Variants in NDRG1 observed in about 807,000 individuals in gnomAD.
The protein encoded by NDRG1 is protein NDRG1.
Under a neutral mutation model 56.9 loss-of-function variants are expected in NDRG1, and 32 were observed. The observed-to-expected ratio is 0.56, with a 90% CI of 0.42 to 0.76. The LOEUF is 0.76. Ranked by LOEUF, NDRG1 falls within the 30% of genes least tolerant of loss-of-function variation. The pLI is 0.00. For missense variants in NDRG1, 507 were observed against 545.7 expected (o/e 0.93, Z 0.71); for synonymous variants, 211 against 204.1 (o/e 1.03, Z -0.29).
chr8:133,280,194 G>C, intron 3 of NDRG1, 38 bp downstream of exon 3: 1 of 1,610,402 alleles, frequency 6.2e-7, no homozygotes. Context: ...GAGAAGACGG[G>C]ATGAGGAAGG....
chr8:133,256,759 G>A lies in NDRG1; in HGVS notation c.537+18C>T, dbSNP rs779638529. Reference sequence around the variant, plus strand: ...CTTCTTGCAGGGATCCCGCCGGCCTGACAGGCCCCCACCTCACCTTGGAGG... The same window carrying A: ...CTTCTTGCAGGGATCCCGCCGGCCTAACAGGCCCCCACCTCACCTTGGAGG... On this transcript the variant is annotated intron_variant, in intron 8 of 15. Transcript: ENST00000323851. 44 of 1,613,326 alleles carry A rather than the reference G, an allele frequency of 2.7e-5. No homozygotes were observed. The highest frequency in any genetic ancestry group is 3.3e-5 in the Admixed American group (2 of 59,980).
rs146492936 is a variant in NDRG1, at chr8:133,277,987, G to A, written c.99+2245C>T. The stretch of plus-strand genomic sequence containing the variant: ...TGGAATGGGGCCTTCACCTGAGGAG[G>A]ATGGACAATCACATCCCCACTGCAG... On this transcript the variant is annotated intron_variant, in intron 3 of 15. Coordinates refer to ENST00000323851, the MANE Select transcript of NDRG1 (RefSeq NM_006096.4). Among the ~76,000 whole-genome samples, 5 of 152,298 alleles carry A rather than the reference G, an allele frequency of 3.3e-5. No homozygotes were observed. In the East Asian group the frequency reaches 7.7e-4, roughly 24 times the overall value.
chr8:133,296,694 G>GACACACACAC lies in NDRG1; in HGVS notation c.-19+430_-19+439dup, dbSNP rs36215434. 3.1e-4 allele frequency: 85 copies of GACACACACAC among 270,828 alleles called. No individual in the cohort carries two copies. In the East Asian group the frequency reaches 3.3e-3, roughly 10 times the overall value. 16.8% of individuals were successfully genotyped at this position (270,828 alleles called of 1,614,324 possible). On this transcript the variant is annotated intron_variant, in intron 1 of 15. Coordinates refer to ENST00000323851, the MANE Select transcript of NDRG1 (RefSeq NM_006096.4). Reference sequence around the variant, plus strand: ...CGCAATCTCTCCGTTCCCAGACACAGACACACACACACACACACACACACA... The same window carrying GACACACACAC: ...CGCAATCTCTCCGTTCCCAGACACAGACACACACACACACACACACACACACACACACACA...
chr8:133,294,674 G>C (rs868042616), intron 1 of NDRG1, among the ~76,000 whole-genome samples: 25 of 145,214 alleles, frequency 1.7e-4, no homozygotes, highest in Middle Eastern at 7.5e-3. Flanking sequence ...TCTGTCATGG[G>C]GGGGGGGCAG....
At chr8:133,259,254 T>A in intron 5 of NDRG1, 24 bp from the exon 6 acceptor site, 2 of 1,612,044 alleles carry the variant, frequency 1.2e-6, no homozygotes, top group Non-Finnish European at 1.7e-6. Context: ...AGAGAAGCCA[T>A]TAGTGAGCGC....
At chr8:133,251,064 T>C (rs965119820) in intron 9 of NDRG1, among the ~76,000 whole-genome samples, 1 of 152,206 alleles carries the variant, frequency 6.6e-6, no homozygotes, top group Non-Finnish European at 1.5e-5. Context: ...AAAAGAAGTT[T>C]TTCATGCTTG....
rs201498435 is a variant in NDRG1, at chr8:133,264,697, G to A, written c.100-45C>T. On this transcript the variant is annotated intron_variant, in intron 3 of 15. Coordinates refer to ENST00000323851, the MANE Select transcript of NDRG1 (RefSeq NM_006096.4). ...AGTGGGCTGGTCATGTGGGGTTCAT[G>A]GCATCCGCGTGGCTGAAGACAGCCA... is the stretch of plus-strand genomic sequence containing the variant. The A allele has an allele frequency of 3.3e-6, 5 of 1,533,878 alleles. No homozygotes were observed. In the East Asian group the frequency reaches 6.7e-5, roughly 21 times the overall value.
chr8:133,267,387 G>C (rs1363595461), intron 3 of NDRG1, among the ~76,000 whole-genome samples: 1 of 152,104 alleles, frequency 6.6e-6, no homozygotes, highest in Non-Finnish European at 1.5e-5. Flanking sequence ...GGAGCACCCG[G>C]GCCCGCCCAG....
intron 1 of NDRG1, among the ~76,000 whole-genome samples, chr8:133,290,044 A>G (rs71526280): frequency 0.036 from 5,506 of 152,210 alleles, 163 homozygotes; most frequent in African/African-American, 0.069. Flanking sequence ...AGGCCCTGCC[A>G]GGCTCAGCTC....
intron 3 of NDRG1, among the ~76,000 whole-genome samples, chr8:133,266,592 A>AC (rs1165484138): frequency 3.3e-5 from 5 of 151,426 alleles, no homozygotes; most frequent in African/African-American, 1.2e-4. Context: ...TCTGTGAGTG[A>AC]CCCCCCGTGA....
intron 2 of NDRG1, among the ~76,000 whole-genome samples, chr8:133,282,402 T>C (rs539425776): frequency 3.3e-4 from 50 of 152,254 alleles, no homozygotes; most frequent in Non-Finnish European, 6.3e-4. Flanking sequence ...GAATACTATG[T>C]ACCTAAAAAG....
chr8:133,272,995 T>C (rs546835363), intron 3 of NDRG1, among the ~76,000 whole-genome samples: 6 of 152,258 alleles, frequency 3.9e-5, no homozygotes, highest in African/African-American at 1.2e-4. Context: ...CCGAATGGGA[T>C]TGTACATCCC....
At chr8:133,259,285 C>T (rs1856544254) in intron 5 of NDRG1, 55 bp from the exon 6 acceptor site, 1 of 1,542,372 alleles carries the variant, frequency 6.5e-7, no homozygotes, top group Non-Finnish European at 9.0e-7. Flanking sequence ...ACGGGTAATC[C>T]AAACAGGGAC....
intron 3 of NDRG1, among the ~76,000 whole-genome samples, chr8:133,266,060 T>TC (rs1856903668): frequency 1.3e-5 from 2 of 152,232 alleles, no homozygotes; most frequent in South Asian, 4.1e-4. Context: ...CTGAACCATG[T>TC]CCCTCCATGT....
chr8:133,259,091 T>C, intron 6 of NDRG1, 77 bp downstream of exon 6: 1 of 1,508,702 alleles, frequency 6.6e-7, no homozygotes, highest in Non-Finnish European at 9.2e-7. Context: ...TCAGTCCAGA[T>C]CAAAGCCAAG....
At chr8:133,284,211 G>A (rs1397267012) in intron 2 of NDRG1, 38 bp downstream of exon 2, 2 of 1,596,940 alleles carry the variant, frequency 1.3e-6, no homozygotes, top group Non-Finnish European at 1.7e-6. Context: ...ATGTGCACAT[G>A]TGCCTGTGAT....
At chr8:133,248,688 G>A in intron 11 of NDRG1, 27 bp downstream of exon 11, 1 of 1,613,988 alleles carries the variant, frequency 6.2e-7, no homozygotes, top group Non-Finnish European at 8.5e-7. Flanking sequence ...CCGACTGCAA[G>A]TGCTGGGGGA....
intron 1 of NDRG1, among the ~76,000 whole-genome samples, chr8:133,293,309 G>C (rs577263985): frequency 6.6e-6 from 1 of 152,240 alleles, no homozygotes; most frequent in Non-Finnish European, 1.5e-5. Flanking sequence ...GCCATCAAGG[G>C]AGGCAGGAAC....
intron 8 of NDRG1, chr8:133,255,260 G>A: frequency 2.2e-6 from 1 of 456,272 alleles, no homozygotes; most frequent in Non-Finnish European, 4.4e-6. Context: ...GCACTGGGCA[G>A]TCTGCATACC....
Sources: allele counts gnomAD v4.1 joint callset (sites outside exome capture counted in the v4.1 genomes callset), GRCh38; gene constraint gnomAD v4.1.1; transcripts MANE v1.5; gene names NCBI Gene and HGNC (gene_info 2026-07-23, HGNC 2026-07-21).